The following BRD2 variants were observed in gnomAD, a reference collection of about 807,000 sequenced individuals.
The protein encoded by BRD2 is bromodomain containing 2.
BRD2 carries 15 observed loss-of-function variants against 79.1 expected under a neutral mutation model. The ratio of observed to expected loss-of-function variants is 0.19; its 90% CI spans 0.13 to 0.29. The LOEUF is 0.29. Among genes scored for constraint, BRD2 ranks in the 10% least tolerant of loss-of-function variants. The pLI, the probability that BRD2 is intolerant of heterozygous loss-of-function variation, is 1.00. For synonymous variants in BRD2, 488 were observed against 358.6 expected (o/e 1.36, Z -4.08); for missense variants, 1,053 against 991.3 (o/e 1.06, Z -0.84).
rs1484180968 is a variant in BRD2, at chr6:32,971,826, C to T, written c.-1073C>T. ...TGGAAGGGGAGGCGGGGAGAGAGTG[C>T]TGGAGGCTCTGGGGCGATGGCTTCC... On this transcript the variant is annotated 5_prime_UTR_variant, in exon 2 of 13. Coordinates refer to ENST00000374825, the MANE Select transcript of BRD2 (RefSeq NM_005104.4). The T allele has an allele frequency of 1.5e-6, 1 of 671,508 alleles. No homozygotes were observed. Among genetic ancestry groups the T allele is most frequent in the African/African-American group, 1.8e-5 (1 of 56,412 alleles). 41.6% of individuals were successfully genotyped at this position (671,508 alleles called of 1,614,324 possible).
rs1778707552 is a variant in BRD2 at position 32,976,090 on chromosome 6, T to C, written c.531T>C (p.Val177=). ...QTLEKIFLQK[V]ASMPQEEQEL... is the part of the protein sequence containing the mutation. ...TGGAAAAGATATTCCTACAGAAGGT[T>C]GCATCAATGCCACAAGAAGAACAAG... Residue 177 remains valine, a synonymous_variant, in exon 5 of 13, where the codon GTT becomes GTC. Coordinates refer to ENST00000374825, the MANE Select transcript of BRD2 (RefSeq NM_005104.4). 1 of 1,612,874 alleles carries C rather than the reference T, an allele frequency of 6.2e-7. No homozygotes were observed. The highest frequency in any genetic ancestry group is 1.7e-5 in the Admixed American group (1 of 59,978).
Position 32,981,259 on chromosome 6 carries a change from C to G in BRD2, c.*541C>G, listed in dbSNP as rs1227681796. 1 of 152,990 alleles carries G rather than the reference C, an allele frequency of 6.5e-6. No homozygotes were observed. The highest frequency in any genetic ancestry group is 2.4e-5 in the African/African-American group (1 of 41,328). 9.5% of individuals were successfully genotyped at this position (152,990 alleles called of 1,614,324 possible). A position where few individuals can be genotyped will look rare whatever the true frequency, so the allele number is the denominator to read the frequency against. On this transcript the variant is annotated 3_prime_UTR_variant, in exon 13 of 13. Transcript: ENST00000374825. The stretch of plus-strand genomic sequence containing the variant: ...TTTCAGTCATCTCCCCATTTGGTCC[C>G]CTGGACTGTCTTTGTTGATTCTAAC...
rs377684930 is a variant in BRD2 at position 32,972,920 on chromosome 6, C to T, written c.22C>T (p.His8Tyr). MLQNVTPHNKLPGEGNAG... is the reference protein window; with the variant it reads MLQNVTPYNKLPGEGNAG... ...CAAGATGCTGCAAAACGTGACTCCC[C>T]ACAATAAGTACGTTTCCGCGAGCCG... Residue 8 changes from histidine to tyrosine, a missense_variant, in exon 2 of 13, where the codon CAC becomes TAC. By Grantham distance (83) the His-to-Tyr change is moderately conservative. Coordinates refer to ENST00000374825, the MANE Select transcript of BRD2 (RefSeq NM_005104.4). 1 of 1,613,930 alleles carries T rather than the reference C, an allele frequency of 6.2e-7. No homozygotes were observed.
chr6:32,974,275 TAAAAG>T (rs915805235), intron 2 of BRD2, among the ~76,000 whole-genome samples, 182 bp from the exon 3 acceptor site: 2 of 152,146 alleles, frequency 1.3e-5, no homozygotes, highest in African/African-American at 4.8e-5. Flanking sequence ...AAAATATTAA[TAAAAG>T]GAAGGCGGGG....
In BRD2 at chr6:32,978,308, C is replaced by T. The variant is rs1378488947; in HGVS notation, c.1761C>T (p.Ser587=). The change falls in exon 10 of 13, where the codon TCC becomes TCT. Residue 587 remains serine, a synonymous_variant. Transcript: ENST00000374825. The part of the protein sequence containing the change: ...RAPRPPQPKK[S]KKASGSGGGS... ...CCCGCCCACCTCAACCTAAGAAGTC[C>T]AAGAAAGCAAGTGGCAGTGGGGGTG... 2 of 1,613,066 alleles carry T rather than the reference C, an allele frequency of 1.2e-6. No homozygotes were observed. Among genetic ancestry groups the T allele is most frequent in the African/African-American group, 2.7e-5 (2 of 75,034 alleles).
intron 3 of BRD2, chr6:32,974,986 T>G (rs1407099493): frequency 4.0e-6 from 6 of 1,501,384 alleles, no homozygotes; most frequent in African/African-American, 2.8e-5. Flanking sequence ...CCATGTGTCC[T>G]TCCTTAACTT....
chr6:32,972,902 C>T lies in BRD2; in HGVS notation c.4C>T (p.Leu2=), dbSNP rs750308944. 5.6e-6 allele frequency: 9 copies of T among 1,614,062 alleles called. No individual in the cohort carries two copies. In the South Asian group the frequency reaches 9.9e-5, roughly 18 times the overall value. Residue 2 remains leucine (L), a synonymous_variant, in exon 2 of 13, where the codon CTG becomes TTG. Coordinates refer to ENST00000374825, the MANE Select transcript of BRD2 (RefSeq NM_005104.4). The part of the protein sequence containing the change: M[L]QNVTPHNKLP... ...GCGCCGGTTCCTTGCGGTCAAGATG[C>T]TGCAAAACGTGACTCCCCACAATAA...
rs755920331 is a variant in BRD2, at chr6:32,976,253, T to C, written c.614T>C (p.Leu205Pro). 2.5e-6 allele frequency: 4 copies of C among 1,612,888 alleles called. No homozygotes were observed. The Admixed American group carries it at 6.7e-5, about 27-fold the overall frequency. ...ACACTTTTTTCCTTTTTTCTAGCGC[T>C]CCAGGGCAGTGTTACCAGTGCCCAT... ...SHKKGAKLAA[L>P]QGSVTSAHQV... Residue 205 changes from leucine (L) to proline (P), a missense_variant, in exon 6 of 13, where the codon CTC becomes CCC. Physicochemically the swap from Leu to Pro is moderately conservative, Grantham distance 98. Coordinates refer to ENST00000374825, the MANE Select transcript of BRD2 (RefSeq NM_005104.4).
Position 32,977,881 on chromosome 6 carries a change from G to A in BRD2, c.1454G>A (p.Ser485Asn), listed in dbSNP as rs2127520248. Residue 485 changes from serine (S) to asparagine (N), a missense_variant, in exon 9 of 13, where the codon AGT becomes AAT. By Grantham distance (46) the Ser-to-Asn change is conservative (BLOSUM62 1). Around this residue, in one of 5 missense-constraint regions of BRD2, gnomAD observed 454 missense variants for 430.5 expected, o/e 1.05. Transcript: ENST00000374825. ...TCTTCAGAGTCCTCCAGTGAGGAAA[G>A]TAGCAGTGAGAGCTCCTCTGAGGAA... ...KSSSESSSEE[S>N]SSESSSEEEE... is the part of the protein sequence containing the mutation. 1 of 1,613,138 alleles carries A rather than the reference G, an allele frequency of 6.2e-7. No individual in the cohort carries two copies. Among genetic ancestry groups the A allele is most frequent in the Admixed American group, 1.7e-5 (1 of 60,032 alleles).
chr6:32,980,862 G>A lies in BRD2; in HGVS notation c.*144G>A, dbSNP rs139189753. 1,725 of 972,720 alleles carry A rather than the reference G, an allele frequency of 1.8e-3. 12 individuals are homozygous for A. In the African/African-American group the frequency reaches 0.023, roughly 13 times the overall value. The allele number at this position is 972,720 out of a possible 1,614,324, so 60.3% of individuals were successfully genotyped here. A position where few individuals can be genotyped will look rare whatever the true frequency, so the allele number is the denominator to read the frequency against. On this transcript the variant is annotated 3_prime_UTR_variant, in exon 13 of 13. Coordinates refer to ENST00000374825, the MANE Select transcript of BRD2 (RefSeq NM_005104.4). ...CTCTAGGAGAGCTGGCTCTGCAGTG[G>A]GGGAGGGATGCAGGGACATTTACTG...
rs201647382 is a variant in BRD2, at chr6:32,974,647, C to T, written c.215C>T (p.Pro72Leu). 1.2e-6 allele frequency: 2 copies of T among 1,614,224 alleles called. No homozygotes were observed. Among genetic ancestry groups the T allele is most frequent in the Middle Eastern group, 1.6e-4 (1 of 6,062 alleles). ...CCGGAGGTGTCCAATCCCAAAAAGCCAGGACGAGTTACCAACCAGCTGCAA... is the reference window on the plus strand; with the variant it reads ...CCGGAGGTGTCCAATCCCAAAAAGCTAGGACGAGTTACCAACCAGCTGCAA... ...PPPEVSNPKKPGRVTNQLQYL... is the reference protein window; with the variant it reads ...PPPEVSNPKKLGRVTNQLQYL... The change falls in exon 3 of 13, where the codon CCA becomes CTA. Residue 72 changes from proline (P) to leucine (L), a missense_variant. Coordinates refer to ENST00000374825, the MANE Select transcript of BRD2 (RefSeq NM_005104.4).
At position 32,977,838 on chromosome 6, in the gene BRD2, C is replaced by G; in HGVS notation, c.1411C>G (p.Pro471Ala). The G allele has an allele frequency of 6.2e-7, 1 of 1,613,106 alleles. No individual in the cohort carries two copies. Among genetic ancestry groups the G allele is most frequent in the Non-Finnish European group, 8.5e-7 (1 of 1,180,044 alleles). ...GPLPVSTAMP[P>A]GLAKSSSESS... ...TTTACCAGTCTCTACTGCCATGCCC[C>G]CTGGCTTGGCCAAATCGTCTTCAGA... Residue 471 changes from proline (P) to alanine (A), a missense_variant, in exon 9 of 13, where the codon CCT becomes GCT. Coordinates refer to ENST00000374825, the MANE Select transcript of BRD2 (RefSeq NM_005104.4).
intron 9 of BRD2, 21 bp from the exon 10 acceptor site, chr6:32,978,105 T>C (rs1255239263): frequency 3.1e-6 from 5 of 1,595,148 alleles, no homozygotes; most frequent in African/African-American, 1.4e-5. Context: ...CTTTTTCCAC[T>C]TCATGTTTTT....
At position 32,972,091 on chromosome 6, in the gene BRD2, C is replaced by T. The variant is rs756161598; in HGVS notation, c.-808C>T. Reference sequence around the variant, plus strand: ...GCTTCTTCACCCGCGTGAGCGAGCGCGCGCGCGCGGAGGGGGTGGGGAAAA... The same window carrying T: ...GCTTCTTCACCCGCGTGAGCGAGCGTGCGCGCGCGGAGGGGGTGGGGAAAA... On this transcript the variant is annotated 5_prime_UTR_variant, in exon 2 of 13. Coordinates refer to ENST00000374825, the MANE Select transcript of BRD2 (RefSeq NM_005104.4). The T allele has an allele frequency of 1.0e-5, 7 of 693,586 alleles. No individual in the cohort carries two copies. The highest frequency in any genetic ancestry group is 2.3e-4 in the Middle Eastern group (1 of 4,360). 43.0% of individuals were successfully genotyped at this position (693,586 alleles called of 1,614,324 possible).
intron 10 of BRD2, chr6:32,978,650 A>T: frequency 3.4e-6 from 2 of 592,026 alleles, no homozygotes; most frequent in Admixed American, 3.2e-5. Flanking sequence ...AGGAGCATGC[A>T]GCCTGGATAT....
At chr6:32,980,313 A>G in intron 11 of BRD2, 29 bp from the exon 12 acceptor site, 2 of 1,611,762 alleles carry the variant, frequency 1.2e-6, no homozygotes, top group South Asian at 2.2e-5. Flanking sequence ...GGGCAATCTT[A>G]ATGTATCCTG....
Position 32,976,309 on chromosome 6 carries a change from A to G in BRD2, c.670A>G (p.Thr224Ala), listed in dbSNP as rs1198899943. Residue 224 changes from threonine (T) to alanine (A), a missense_variant, in exon 6 of 13, where the codon ACA (threonine) becomes GCA (alanine). Transcript: ENST00000374825. ...GCCTGCCGTCTCTTCTGTGTCACAC[A>G]CAGCCCTGTATACTCCTCCACCTGA... Reference protein sequence around the residue: ...QVPAVSSVSHTALYTPPPEIP... With the variant: ...QVPAVSSVSHAALYTPPPEIP... 5 of 1,612,978 alleles carry G rather than the reference A, an allele frequency of 3.1e-6. No homozygotes were observed. In the East Asian group the frequency reaches 6.7e-5, roughly 22 times the overall value.
chr6:32,969,309 C>A, intron 1 of BRD2: 1 of 716,558 alleles, frequency 1.4e-6, no homozygotes, highest in Non-Finnish European at 2.6e-6. Flanking sequence ...GTGTGGCCCC[C>A]CCTATTCCAT....
rs529211144 is a variant in BRD2, at chr6:32,974,616, C to T, written c.184C>T (p.Pro62Ser). ...TTTGCAACTTACCCCTGCCAACCCA[C>T]CACCCCCGGAGGTGTCCAATCCCAA... is the stretch of plus-strand genomic sequence containing the variant. ...PALQLTPANP[P>S]PPEVSNPKKP... Residue 62 changes from proline (P) to serine (S), a missense_variant, in exon 3 of 13, where the codon CCA becomes TCA. Coordinates refer to ENST00000374825, the MANE Select transcript of BRD2 (RefSeq NM_005104.4). 1.2e-6 allele frequency: 2 copies of T among 1,614,240 alleles called. No homozygotes were observed. Among genetic ancestry groups the T allele is most frequent in the African/African-American group, 1.3e-5 (1 of 75,050 alleles).
Sources: gnomAD v4.1 joint callset for allele counts (sites outside exome capture counted in the v4.1 genomes callset) on GRCh38, gnomAD v4.1.1 for gene constraint, gnomAD v4.1.1 regional missense constraint, MANE v1.5 for transcripts, NCBI Gene and HGNC (gene_info 2026-07-23, HGNC 2026-07-21) for gene names.